The following DACH1 variants were observed in gnomAD, a reference collection of about 807,000 sequenced individuals.
DACH1 encodes the protein dachshund homolog 1.
DACH1 carries 12 observed loss-of-function variants against 54.2 expected under a neutral mutation model. The observed-to-expected ratio is 0.22, with a 90% CI of 0.14 to 0.36. DACH1 has a LOEUF of 0.36. Among genes scored for constraint, DACH1 ranks in the 10% least tolerant of loss-of-function variants. DACH1 has a pLI of 1.00. For synonymous variants in DACH1, 386 were observed against 366.2 expected (o/e 1.05, Z -0.62); for missense variants, 805 against 929.8 (o/e 0.87, Z 1.75).
intron 3 of DACH1, among the ~76,000 whole-genome samples, chr13:71,585,345 G>A (rs1873164187): frequency 1.3e-5 from 2 of 152,190 alleles, no homozygotes; most frequent in South Asian, 4.1e-4. Flanking sequence ...ATGCAATAAG[G>A]TAAAGACTTT....
chr13:71,754,307 T>A (rs1009688989), intron 1 of DACH1, among the ~76,000 whole-genome samples: 2 of 152,108 alleles, frequency 1.3e-5, no homozygotes, highest in African/African-American at 2.4e-5. Context: ...TCTAAAAATA[T>A]GAGATATGCT....
At chr13:71,500,906 C>T (rs993963367) in intron 6 of DACH1, among the ~76,000 whole-genome samples, 2 of 151,832 alleles carry the variant, frequency 1.3e-5, no homozygotes, top group Non-Finnish European at 2.9e-5. Flanking sequence ...GGCTCAGTTT[C>T]CAATCTGACT....
At chr13:71,544,280 C>G (rs1236303554) in intron 6 of DACH1, among the ~76,000 whole-genome samples, 1 of 152,016 alleles carries the variant, frequency 6.6e-6, no homozygotes, top group East Asian at 1.9e-4. Context: ...AGACACATGA[C>G]TACTTTGAAT....
chr13:71,813,129 G>C (rs1015800368), intron 1 of DACH1, among the ~76,000 whole-genome samples: 1 of 151,982 alleles, frequency 6.6e-6, no homozygotes, highest in Admixed American at 6.6e-5. Context: ...TATTAACTGA[G>C]TACCTACTAT....
At chr13:71,535,816 T>A (rs1275084512) in intron 6 of DACH1, among the ~76,000 whole-genome samples, 1 of 152,042 alleles carries the variant, frequency 6.6e-6, no homozygotes, top group African/African-American at 2.4e-5. Flanking sequence ...TTATATGATT[T>A]TTTTTAAAAA....
intron 1 of DACH1, among the ~76,000 whole-genome samples, chr13:71,725,375 C>G (rs1176684635): frequency 6.6e-6 from 1 of 152,108 alleles, no homozygotes; most frequent in Non-Finnish European, 1.5e-5. Flanking sequence ...AAACTCCTCT[C>G]AAAAGCTGTC....
At chr13:71,839,377 G>A (rs895184569) in intron 1 of DACH1, among the ~76,000 whole-genome samples, 2 of 152,146 alleles carry the variant, frequency 1.3e-5, no homozygotes, top group Non-Finnish European at 2.9e-5. Context: ...GGAGGCCAAG[G>A]CGGGTGGATA....
At chr13:71,635,593 C>G (rs1215045642) in intron 2 of DACH1, among the ~76,000 whole-genome samples, 2 of 152,084 alleles carry the variant, frequency 1.3e-5, no homozygotes, top group African/African-American at 4.8e-5. Context: ...TCTATTTAAT[C>G]AAGAATTGTC....
chr13:71,744,534 C>A (rs1045592114), intron 1 of DACH1, among the ~76,000 whole-genome samples: 29 of 152,118 alleles, frequency 1.9e-4, no homozygotes, highest in Admixed American at 1.3e-4. Flanking sequence ...TGTGGCCTAT[C>A]CACATAGGAA....
intron 1 of DACH1, among the ~76,000 whole-genome samples, chr13:71,847,442 C>T (rs1873356959): frequency 6.6e-6 from 1 of 152,080 alleles, no homozygotes; most frequent in African/African-American, 2.4e-5. Flanking sequence ...CAAATAGATA[C>T]AAAACTATAC....
chr13:71,669,407 C>T (rs1420185793), intron 2 of DACH1, among the ~76,000 whole-genome samples: 1 of 152,140 alleles, frequency 6.6e-6, no homozygotes, highest in Admixed American at 6.6e-5. Context: ...GTTGTATGTT[C>T]CTTATGAGAA....
intron 6 of DACH1, among the ~76,000 whole-genome samples, chr13:71,506,977 A>T (rs1387476747): frequency 6.6e-6 from 1 of 151,424 alleles, no homozygotes; most frequent in Non-Finnish European, 1.5e-5. Context: ...AGGCATTACC[A>T]TTCAGGACAT....
chr13:71,802,554 G>A (rs1167435917), intron 1 of DACH1, among the ~76,000 whole-genome samples: 3 of 151,842 alleles, frequency 2.0e-5, no homozygotes, highest in Admixed American at 2.0e-4. Context: ...GCAAGTATGT[G>A]TAAATCTTCC....
intron 5 of DACH1, 124 bp downstream of exon 5, chr13:71,559,696 T>C (rs1884466174): frequency 7.2e-6 from 9 of 1,244,094 alleles, no homozygotes; most frequent in Non-Finnish European, 1.0e-5. Context: ...GAGATGGCTA[T>C]TGCTACAGAG....
At position 71,630,569 on chromosome 13, in the gene DACH1, C is replaced by T; in HGVS notation, c.1113G>A (p.Met371Ile). The T allele has an allele frequency of 6.3e-7, 1 of 1,589,910 alleles. No homozygotes were observed. The highest frequency in any genetic ancestry group is 8.5e-7 in the Non-Finnish European group (1 of 1,172,976). The stretch of plus-strand genomic sequence containing the variant: ...CATAAAACTTACCGACACTTGAATT[C>T]ATGTCCCCGTTTTCAGAGTCTGCTC... ...QHGADSENGD[M>I]NSSVGLELPF... is the part of the protein sequence containing the mutation. The change falls in exon 3 of 11, where the codon ATG (methionine) becomes ATA (isoleucine). Residue 371 changes from methionine to isoleucine, a missense_variant. By Grantham distance (10) the Met-to-Ile change is conservative. Transcript: ENST00000613252.
At chr13:71,579,041 T>A (rs1885705772) in intron 3 of DACH1, among the ~76,000 whole-genome samples, 1 of 152,156 alleles carries the variant, frequency 6.6e-6, no homozygotes, top group Non-Finnish European at 1.5e-5. Context: ...TCTTTAGTTA[T>A]CTATCACTAA....
In DACH1 at chr13:71,579,334, T is replaced by C. The variant is rs184605889; in HGVS notation, c.1127-6322A>G. Among the ~76,000 whole-genome samples the C allele has an allele frequency of 3.3e-4, 50 of 152,256 alleles. No individual in the cohort carries two copies. In the East Asian group the frequency reaches 9.5e-3, roughly 29 times the overall value. ...GTGCTGAAAGTAACAATAAGTGAAGTTGTACAAAGCACACACAAATTAATG... is the reference window on the plus strand; with the variant it reads ...GTGCTGAAAGTAACAATAAGTGAAGCTGTACAAAGCACACACAAATTAATG... On this transcript the variant is annotated intron_variant, in intron 3 of 10. Transcript: ENST00000613252.
intron 2 of DACH1, among the ~76,000 whole-genome samples, chr13:71,646,340 A>T (rs1878267871): frequency 6.6e-6 from 1 of 151,918 alleles, no homozygotes; most frequent in Non-Finnish European, 1.5e-5. Context: ...TCCGTCTCAA[A>T]AAAAAAAAAG....
chr13:71,746,583 C>G (rs1314678623), intron 1 of DACH1, among the ~76,000 whole-genome samples: 1 of 152,178 alleles, frequency 6.6e-6, no homozygotes, highest in Non-Finnish European at 1.5e-5. Context: ...AGAGCACCAG[C>G]AACCTATTCT....
Sources: allele counts gnomAD v4.1 joint callset (sites outside exome capture counted in the v4.1 genomes callset), GRCh38; gene constraint gnomAD v4.1.1; transcripts MANE v1.5; gene names NCBI Gene and HGNC (gene_info 2026-07-23, HGNC 2026-07-21).